Variants in THSD4 observed in about 807,000 individuals in gnomAD.
THSD4 encodes the protein thrombospondin type 1 domain containing 4.
In THSD4, 69 loss-of-function variants were observed where a neutral mutation model predicts 119.0. That is an observed-to-expected ratio of 0.58 (90% CI 0.48 to 0.71). The LOEUF (loss-of-function observed/expected upper bound fraction) is 0.71, where lower values mean the gene tolerates loss of function less well. Among genes scored for constraint, THSD4 ranks in the 30% least tolerant of loss-of-function variants. THSD4 has a pLI of 0.00. For synonymous variants in THSD4, 524 were observed against 540.4 expected (o/e 0.97, Z 0.42); for missense variants, 1,393 against 1,391.1 (o/e 1.00, Z -0.02).
intron 16 of THSD4, among the ~76,000 whole-genome samples, chr15:71,768,223 A>T (rs989833376): frequency 7.9e-5 from 12 of 151,962 alleles, no homozygotes; most frequent in African/African-American, 2.4e-4. Flanking sequence ...ATCAGTGGCC[A>T]CTAACATCCC....
chr15:71,107,392 A>C (rs1197243495), intron 1 of THSD4, among the ~76,000 whole-genome samples: 1 of 152,076 alleles, frequency 6.6e-6, no homozygotes, highest in Non-Finnish European at 1.5e-5. Context: ...GAGAAAAAGA[A>C]AAGAAAGAAA....
chr15:71,369,754 G>A (rs998257789), intron 6 of THSD4, among the ~76,000 whole-genome samples: 2 of 152,064 alleles, frequency 1.3e-5, no homozygotes, highest in Admixed American at 1.3e-4. Context: ...TTTTTGTTGT[G>A]TCTCTGTCAG....
At chr15:71,128,442 A>T (rs1443984824) in intron 1 of THSD4, among the ~76,000 whole-genome samples, 1 of 150,162 alleles carries the variant, frequency 6.7e-6, no homozygotes, top group Non-Finnish European at 1.5e-5. Flanking sequence ...CAGGAGAATC[A>T]CTTGAACTCG....
At chr15:71,562,084 G>T (rs1372597562) in intron 7 of THSD4, among the ~76,000 whole-genome samples, 1 of 152,144 alleles carries the variant, frequency 6.6e-6, no homozygotes, top group Non-Finnish European at 1.5e-5. Context: ...TATGTGGCTT[G>T]CCCAGGACCA....
chr15:71,471,416 C>T (rs1309126299), intron 7 of THSD4, among the ~76,000 whole-genome samples: 1 of 152,030 alleles, frequency 6.6e-6, no homozygotes, highest in East Asian at 1.9e-4. Context: ...TTTCATCTCT[C>T]CCACACCCCT....
At chr15:71,561,504 G>A (rs1266026145) in intron 7 of THSD4, among the ~76,000 whole-genome samples, 4 of 152,166 alleles carry the variant, frequency 2.6e-5, no homozygotes, top group Non-Finnish European at 5.9e-5. Flanking sequence ...AGAATGCAAA[G>A]TGAGAAGAAT....
chr15:71,348,426 A>G (rs2045697759), intron 6 of THSD4: 1 of 152,210 alleles, frequency 6.6e-6, no homozygotes, highest in Non-Finnish European at 1.5e-5. Context: ...AGAATTGTCA[A>G]CACTCCCTCT....
chr15:71,296,035 T>C (rs921271799), intron 6 of THSD4, among the ~76,000 whole-genome samples: 1 of 152,190 alleles, frequency 6.6e-6, no homozygotes, highest in Non-Finnish European at 1.5e-5. Context: ...TTGTATGATA[T>C]GTCACATGTT....
At chr15:71,682,012 C>G (rs751750887) in intron 8 of THSD4, among the ~76,000 whole-genome samples, 1 of 152,180 alleles carries the variant, frequency 6.6e-6, no homozygotes. Context: ...GTCATGGGCA[C>G]GGTCTCTCAG....
intron 6 of THSD4, among the ~76,000 whole-genome samples, chr15:71,404,841 CTCTTTCTTTCTTT>C (rs2046582961): frequency 6.6e-6 from 1 of 151,676 alleles, no homozygotes; most frequent in African/African-American, 2.4e-5. Flanking sequence ...CTGTTGTCTT[CTCTTTCTTTCTTT>C]TCTTTCTTTT....
At chr15:71,529,517 C>G (rs1241020983) in intron 7 of THSD4, among the ~76,000 whole-genome samples, 1 of 152,086 alleles carries the variant, frequency 6.6e-6, no homozygotes, top group Non-Finnish European at 1.5e-5. Flanking sequence ...GACTTTTTAC[C>G]TAACAGTCTC....
chr15:71,762,156 C>T (rs1401698274), intron 15 of THSD4, among the ~76,000 whole-genome samples: 1 of 79,390 alleles, frequency 1.3e-5, no homozygotes, highest in Non-Finnish European at 2.5e-5. Flanking sequence ...TGCAAACACA[C>T]ACACACACAC....
In THSD4 at chr15:71,684,346, A is replaced by G. The variant is rs1007416520; in HGVS notation, c.1357+23612A>G. 9.9e-5 allele frequency among the ~76,000 whole-genome samples: 15 copies of G among 152,210 alleles called. No homozygotes were observed. In the South Asian group the frequency reaches 1.2e-3, roughly 13 times the overall value. ...TTATAATATTGCCTCCTCCTTTCCA[A>G]TAGTAATTACTCTGAATAGCAGACA... On this transcript the variant is annotated intron_variant, in intron 8 of 17. Coordinates refer to ENST00000261862, the MANE Select transcript of THSD4 (RefSeq NM_024817.3).
intron 7 of THSD4, among the ~76,000 whole-genome samples, chr15:71,428,449 C>T (rs940529685): frequency 2.0e-5 from 3 of 152,204 alleles, no homozygotes; most frequent in Non-Finnish European, 2.9e-5. Flanking sequence ...ATTATTATTA[C>T]GATTTTTTAA....
At chr15:71,564,215 A>G (rs1271780308) in intron 7 of THSD4, among the ~76,000 whole-genome samples, 1 of 152,192 alleles carries the variant, frequency 6.6e-6, no homozygotes, top group Non-Finnish European at 1.5e-5. Context: ...GCATTATACC[A>G]GAAACTGAAG....
At chr15:71,709,518 T>A (rs1318923605) in intron 8 of THSD4, among the ~76,000 whole-genome samples, 1 of 152,146 alleles carries the variant, frequency 6.6e-6, no homozygotes, top group African/African-American at 2.4e-5. Flanking sequence ...GGCTCCTCAC[T>A]GGTCTATAGA....
At chr15:71,643,618 A>G (rs1171572839) in intron 7 of THSD4, among the ~76,000 whole-genome samples, 1 of 152,186 alleles carries the variant, frequency 6.6e-6, no homozygotes, top group Non-Finnish European at 1.5e-5. Context: ...AGCTTCATCC[A>G]TGTTCCTGCA....
At chr15:71,490,536 G>T (rs562007264) in intron 7 of THSD4, among the ~76,000 whole-genome samples, 37 of 141,992 alleles carry the variant, frequency 2.6e-4, no homozygotes, top group African/African-American at 9.6e-4. Context: ...CTCCAGCCTG[G>T]GTGACAGAGC....
At chr15:71,555,585 A>G (rs1595882035) in intron 7 of THSD4, among the ~76,000 whole-genome samples, 1 of 152,114 alleles carries the variant, frequency 6.6e-6, no homozygotes, top group South Asian at 2.1e-4. Context: ...TATTTTCTCC[A>G]CTTTATGACT....
Sources: allele counts gnomAD v4.1 joint callset (sites outside exome capture counted in the v4.1 genomes callset), GRCh38; gene constraint gnomAD v4.1.1; transcripts MANE v1.5; gene names NCBI Gene and HGNC (gene_info 2026-07-23, HGNC 2026-07-21).